SLC30A6: variants seen among roughly 807,000 people sequenced by gnomAD.
SLC30A6 encodes zinc transporter 6.
In SLC30A6, 55 loss-of-function variants were observed where a neutral mutation model predicts 63.0. The ratio of observed to expected loss-of-function variants is 0.87; its 90% CI spans 0.70 to 1.09. The LOEUF (loss-of-function observed/expected upper bound fraction) is 1.09. Among genes scored for constraint, SLC30A6 ranks in the 50% least tolerant of loss-of-function variants. The probability of loss-of-function intolerance (pLI) is 0.00; values close to 1 mark genes in which losing one functional copy is unlikely to be tolerated. For synonymous variants in SLC30A6, 224 were observed against 186.1 expected (o/e 1.20, Z -1.66); for missense variants, 587 against 549.2 (o/e 1.07, Z -0.69).
At position 32,214,159 on chromosome 2, in the gene SLC30A6, A is replaced by G. The variant is rs528200695; in HGVS notation, c.885+4598A>G. On this transcript the variant is annotated intron_variant, in intron 13 of 13. Transcript: ENST00000282587. ...ACTGTGTTGGCCAGGCTGGTCTCGAACTCCTGATCTTGTGATCTGCCCGCC... is the reference window on the plus strand; with the variant it reads ...ACTGTGTTGGCCAGGCTGGTCTCGAGCTCCTGATCTTGTGATCTGCCCGCC... 9.9e-5 allele frequency among the ~76,000 whole-genome samples: 15 copies of G among 151,982 alleles called. 1 individual carries two copies. The South Asian group carries it at 2.1e-3, about 21-fold the overall frequency.
chr2:32,193,680 C>T (rs906996065), intron 7 of SLC30A6, among the ~76,000 whole-genome samples: 10 of 152,034 alleles, frequency 6.6e-5, no homozygotes, highest in African/African-American at 2.2e-4. Context: ...TGCTAAAAGT[C>T]CTTACTTATC....
At chr2:32,179,305 AT>A (rs1464618139) in intron 4 of SLC30A6, among the ~76,000 whole-genome samples, 1 of 152,194 alleles carries the variant, frequency 6.6e-6, no homozygotes, top group Non-Finnish European at 1.5e-5. Context: ...CTGCAGATAT[AT>A]TCCTGTGGTT....
At chr2:32,182,240 T>C (rs1401597258) in intron 4 of SLC30A6, among the ~76,000 whole-genome samples, 2 of 152,120 alleles carry the variant, frequency 1.3e-5, no homozygotes, top group South Asian at 2.1e-4. Flanking sequence ...CCCAGCCTAA[T>C]TGTATATTTC....
At chr2:32,183,343 T>C (rs1682509869) in intron 4 of SLC30A6, among the ~76,000 whole-genome samples, 1 of 152,036 alleles carries the variant, frequency 6.6e-6, no homozygotes, top group African/African-American at 2.4e-5. Context: ...GATTACAAAA[T>C]ACTTTGATGT....
intron 13 of SLC30A6, among the ~76,000 whole-genome samples, chr2:32,210,508 C>CT (rs1291506288): frequency 2.3e-5 from 2 of 85,412 alleles, no homozygotes; most frequent in East Asian, 3.2e-4. Flanking sequence ...GAGTGAGACT[C>CT]TGTCTCCAAA....
intron 4 of SLC30A6, chr2:32,177,448 G>A: frequency 4.4e-6 from 1 of 229,422 alleles, no homozygotes; most frequent in Non-Finnish European, 9.1e-6. Flanking sequence ...GTACCACCAG[G>A]CACGGCTAAT....
In SLC30A6 at chr2:32,190,438, G is replaced by A. The variant is rs1486124125; in HGVS notation, c.285-1898G>A. ...CGTGTCATTGCTCTCCAGCCTGGGC[G>A]ACAGAGTGAGACTCCGTCTCAAAAA... On this transcript the variant is annotated intron_variant, in intron 5 of 13. Transcript: ENST00000282587. Among the ~76,000 whole-genome samples the A allele has an allele frequency of 4.0e-5, 6 of 148,720 alleles. No homozygotes were observed. The East Asian group carries it at 1.2e-3, about 29-fold the overall frequency.
chr2:32,199,905 A>G (rs1224201978), intron 10 of SLC30A6, among the ~76,000 whole-genome samples: 3 of 152,136 alleles, frequency 2.0e-5, no homozygotes, highest in Non-Finnish European at 2.9e-5. Flanking sequence ...GCCTGAGGTC[A>G]GGAGTTCAAG....
chr2:32,194,295 T>C (rs1683587596), intron 8 of SLC30A6, among the ~76,000 whole-genome samples: 1 of 152,186 alleles, frequency 6.6e-6, no homozygotes, highest in South Asian at 2.1e-4. Flanking sequence ...GAAAAGTCTA[T>C]TGTAAGCATT....
At chr2:32,174,042 G>A in intron 2 of SLC30A6, 21 bp from the exon 3 acceptor site, 1 of 1,590,680 alleles carries the variant, frequency 6.3e-7, no homozygotes, top group Non-Finnish European at 8.6e-7. Context: ...GTACACATAA[G>A]AGTGATTTTT....
intron 2 of SLC30A6, among the ~76,000 whole-genome samples, chr2:32,172,454 T>A (rs1475453041): frequency 6.6e-6 from 1 of 151,952 alleles, no homozygotes; most frequent in Non-Finnish European, 1.5e-5. Context: ...GCTCAAGGGA[T>A]CCTCCTTCCT....
At chr2:32,187,012 A>AAG (rs1553332055) in intron 5 of SLC30A6, 16 of 354,700 alleles carry the variant, frequency 4.5e-5, no homozygotes, top group Non-Finnish European at 6.1e-5. Flanking sequence ...AAAAAAAAAA[A>AAG]AAAGAAAGAA....
intron 10 of SLC30A6, chr2:32,203,671 C>G: frequency 6.4e-7 from 1 of 1,557,854 alleles, no homozygotes; most frequent in South Asian, 1.1e-5. Context: ...CAGAATGTGC[C>G]TCCTGAAAGG....
chr2:32,203,618 A>G, intron 10 of SLC30A6: 1 of 1,585,092 alleles, frequency 6.3e-7, no homozygotes, highest in East Asian at 2.2e-5. Flanking sequence ...GCTTGGAAAG[A>G]ACTTAACAGA....
rs544168895 is a variant in SLC30A6, at chr2:32,176,796, G to A, written c.218+1435G>A. 1.2e-3 allele frequency among the ~76,000 whole-genome samples: 174 copies of A among 150,212 alleles called. 1 individual carries two copies. The highest frequency in any genetic ancestry group is 3.6e-3 in the African/African-American group (149 of 40,882). The stretch of plus-strand genomic sequence containing the variant: ...TCTTTCTTTTTTTTTTCTTTGAGAC[G>A]GAATCTTACTCTGTCACCCAGGCTG... On this transcript the variant is annotated intron_variant, in intron 4 of 13. Coordinates refer to ENST00000282587, the MANE Select transcript of SLC30A6 (RefSeq NM_017964.5).
intron 11 of SLC30A6, among the ~76,000 whole-genome samples, chr2:32,205,946 G>A (rs1468940599): frequency 6.6e-6 from 1 of 151,690 alleles, no homozygotes; most frequent in Non-Finnish European, 1.5e-5. Context: ...TGGGATTACA[G>A]GCGTGAGCCA....
At chr2:32,189,624 TTTG>T (rs1683150603) in intron 5 of SLC30A6, among the ~76,000 whole-genome samples, 1 of 86,060 alleles carries the variant, frequency 1.2e-5, no homozygotes, top group African/African-American at 4.7e-5. Context: ...TTTTTTTTTT[TTTG>T]AGGCAGAATC....
chr2:32,170,080 G>A (rs961768995), intron 1 of SLC30A6, among the ~76,000 whole-genome samples: 3 of 151,752 alleles, frequency 2.0e-5, no homozygotes, highest in African/African-American at 4.8e-5. Flanking sequence ...TATTACATTC[G>A]CCCATGAAAT....
At chr2:32,178,829 T>C (rs931108046) in intron 4 of SLC30A6, among the ~76,000 whole-genome samples, 1 of 152,214 alleles carries the variant, frequency 6.6e-6, no homozygotes, top group East Asian at 1.9e-4. Context: ...AGTTTTGAAA[T>C]TGGAAAGTGT....
Sources: gnomAD v4.1 joint callset for allele counts (sites outside exome capture counted in the v4.1 genomes callset) on GRCh38, gnomAD v4.1.1 for gene constraint, MANE v1.5 for transcripts, NCBI Gene and HGNC (gene_info 2026-07-23, HGNC 2026-07-21) for gene names.